SPATA45: variants seen among roughly 807,000 people sequenced by gnomAD.
The protein encoded by SPATA45 is spermatogenesis-associated protein 45.
Under a neutral mutation model 7.0 loss-of-function variants are expected in SPATA45, and 5 were observed. That is an observed-to-expected ratio of 0.71 (90% CI 0.37 to 1.50). SPATA45 has a LOEUF of 1.50. Among genes scored for constraint, SPATA45 ranks in the 40% most tolerant of loss-of-function variants. SPATA45 has a pLI of 0.03. For missense variants in SPATA45, 111 were observed against 114.9 expected, an observed-to-expected ratio of 0.97 and a Z score of 0.16; for synonymous variants, 40 against 38.7, an observed-to-expected ratio of 1.03 and a Z score of -0.13.
intron 1 of SPATA45, among the ~76,000 whole-genome samples, chr1:212,843,263 C>T (rs530206340): frequency 1.5e-4 from 23 of 151,700 alleles, no homozygotes; most frequent in Non-Finnish European, 3.1e-4. Flanking sequence ...GCACTCCAGC[C>T]TGGGCAACAA....
chr1:212,846,287 A>G (rs72743933), intron 1 of SPATA45, among the ~76,000 whole-genome samples: 18,641 of 152,074 alleles, frequency 0.12, 1,418 homozygotes, highest in African/African-American at 0.22. Context: ...AAACATTGCC[A>G]TTATCTCTCC....
At chr1:212,845,059 G>A (rs1663767536) in intron 1 of SPATA45, among the ~76,000 whole-genome samples, 1 of 152,084 alleles carries the variant, frequency 6.6e-6, no homozygotes, top group Admixed American at 6.6e-5. Flanking sequence ...AAGGCAAATG[G>A]TTCTTGGACC....
At chr1:212,836,627 G>C (rs1046744506) in intron 1 of SPATA45, among the ~76,000 whole-genome samples, 1 of 150,836 alleles carries the variant, frequency 6.6e-6, no homozygotes, top group African/African-American at 2.4e-5. Flanking sequence ...CACTGTGCCC[G>C]GACAGCACAC....
chr1:212,839,001 C>A (rs1404824652), intron 1 of SPATA45, among the ~76,000 whole-genome samples: 13 of 151,194 alleles, frequency 8.6e-5, no homozygotes, highest in Non-Finnish European at 5.9e-5. Context: ...AGCCACCAGG[C>A]CCAGCCCACT....
rs148770134 is a variant in SPATA45, at chr1:212,833,196, C to T, written c.277+2677G>A. ...CTGAGATTTTGGTGCACCCATCAAC[C>T]GAGCATATAGTCTTTTATTCCTTGC... On this transcript the variant is annotated intron_variant, in intron 2 of 2. Coordinates refer to ENST00000332912, the MANE Select transcript of SPATA45 (RefSeq NM_001024601.3). 3.7e-3 allele frequency among the ~76,000 whole-genome samples: 567 copies of T among 151,586 alleles called. 12 individuals are homozygous for T. The highest frequency in any genetic ancestry group is 4.9e-3 in the Non-Finnish European group (332 of 67,728).
chr1:212,842,625 CTTGT>C (rs1195267414), intron 1 of SPATA45, among the ~76,000 whole-genome samples: 1 of 152,174 alleles, frequency 6.6e-6, no homozygotes, highest in Non-Finnish European at 1.5e-5. Context: ...ACTGTATGAT[CTTGT>C]TTAAGTTACT....
chr1:212,831,998 G>A (rs1309939202), intron 2 of SPATA45, among the ~76,000 whole-genome samples: 1 of 143,254 alleles, frequency 7.0e-6, no homozygotes, highest in African/African-American at 2.6e-5. Context: ...ATCACTATCT[G>A]ATCGGACATT....
intron 1 of SPATA45, among the ~76,000 whole-genome samples, chr1:212,847,213 T>C (rs1297241860): frequency 2.0e-5 from 3 of 152,306 alleles, no homozygotes; most frequent in East Asian, 1.9e-4. Flanking sequence ...ATATTAAACA[T>C]GCATATACAG....
At chr1:212,843,941 T>G (rs1663741934) in intron 1 of SPATA45, among the ~76,000 whole-genome samples, 1 of 152,168 alleles carries the variant, frequency 6.6e-6, no homozygotes, top group African/African-American at 2.4e-5. Flanking sequence ...TCCATTATTC[T>G]GTTCTAGATC....
chr1:212,832,981 C>A (rs144413617), intron 2 of SPATA45, among the ~76,000 whole-genome samples: 32 of 151,708 alleles, frequency 2.1e-4, no homozygotes, highest in African/African-American at 7.5e-4. Flanking sequence ...ACCATCCCTG[C>A]CTTCAAGGAG....
chr1:212,835,312 T>C (rs1663567306), intron 2 of SPATA45, among the ~76,000 whole-genome samples: 1 of 151,348 alleles, frequency 6.6e-6, no homozygotes. Flanking sequence ...TTACCTGACG[T>C]TGGGAGTTCA....
At chr1:212,840,953 C>CT (rs58282199) in intron 1 of SPATA45, among the ~76,000 whole-genome samples, 2 of 151,696 alleles carry the variant, frequency 1.3e-5, no homozygotes, top group African/African-American at 4.8e-5. Flanking sequence ...TCTCTCTCTT[C>CT]TTTTTTGAGG....
chr1:212,838,845 C>A (rs570180148), intron 1 of SPATA45, among the ~76,000 whole-genome samples: 1 of 151,268 alleles, frequency 6.6e-6, no homozygotes, highest in Non-Finnish European at 1.5e-5. Context: ...GGGATACAGG[C>A]GCAGGCCACC....
intron 1 of SPATA45, among the ~76,000 whole-genome samples, chr1:212,839,078 T>A (rs1288221819): frequency 6.7e-6 from 1 of 149,692 alleles, no homozygotes; most frequent in African/African-American, 2.4e-5. Context: ...ACAAATAAAT[T>A]GTGGTATATG....
At chr1:212,844,446 T>G (rs988364271) in intron 1 of SPATA45, among the ~76,000 whole-genome samples, 26 of 152,152 alleles carry the variant, frequency 1.7e-4, no homozygotes, top group African/African-American at 6.0e-4. Flanking sequence ...CTGACCCCCA[T>G]GACGCTATCT....
At chr1:212,841,666 T>TTTTTTTTTTTTTTTCC in intron 1 of SPATA45, among the ~76,000 whole-genome samples, 1 of 145,134 alleles carries the variant, frequency 6.9e-6, no homozygotes, top group African/African-American at 2.6e-5. Context: ...TAAGAAGGAG[T>TTTTTTTTTTTTTTTCC]CTCGCTCTGT....
chr1:212,832,409 A>G (rs1571989049), intron 2 of SPATA45, among the ~76,000 whole-genome samples: 1 of 94,634 alleles, frequency 1.1e-5, no homozygotes, highest in African/African-American at 4.2e-5. Flanking sequence ...AGGTCTCTCT[A>G]TGTTGCCCAG....
chr1:212,830,875 A>C (rs1041205059), intron 2 of SPATA45, among the ~76,000 whole-genome samples: 20 of 151,332 alleles, frequency 1.3e-4, no homozygotes, highest in African/African-American at 4.6e-4. Flanking sequence ...CTAGCTACTC[A>C]GGAGGCTGAG....
chr1:212,843,029 G>A (rs1192778049), intron 1 of SPATA45, among the ~76,000 whole-genome samples: 23 of 151,470 alleles, frequency 1.5e-4, no homozygotes, highest in African/African-American at 4.1e-4. Context: ...CCCAGGAGGC[G>A]GAGCTTGCAG....
Sources: gnomAD v4.1 joint callset for allele counts (sites outside exome capture counted in the v4.1 genomes callset) on GRCh38, gnomAD v4.1.1 for gene constraint, MANE v1.5 for transcripts, NCBI Gene and HGNC (gene_info 2026-07-23, HGNC 2026-07-21) for gene names.